TRERF1: variants seen among roughly 807,000 people sequenced by gnomAD.
TRERF1 encodes transcriptional regulating factor 1.
TRERF1 carries 27 observed loss-of-function variants against 122.9 expected under a neutral mutation model. The observed-to-expected ratio is 0.22, with a 90% CI of 0.16 to 0.30. TRERF1 has a LOEUF of 0.30. Ranked by LOEUF, TRERF1 falls within the 10% of genes least tolerant of loss-of-function variation. TRERF1 has a pLI of 1.00. For missense variants in TRERF1, 1,248 were observed against 1,560.3 expected (o/e 0.80, Z 3.37); for synonymous variants, 636 against 641.7 (o/e 0.99, Z 0.13).
At chr6:42,428,645 T>G (rs1313886747) in intron 2 of TRERF1, among the ~76,000 whole-genome samples, 1 of 152,208 alleles carries the variant, frequency 6.6e-6, no homozygotes, top group Non-Finnish European at 1.5e-5. Context: ...GCTCCCTTCC[T>G]TTGTTCATAT....
At chr6:42,441,231 A>C (rs1786455242) in intron 2 of TRERF1, among the ~76,000 whole-genome samples, 1 of 152,184 alleles carries the variant, frequency 6.6e-6, no homozygotes, top group Non-Finnish European at 1.5e-5. Context: ...CATTTGCTAC[A>C]AGTCAAAGCC....
chr6:42,426,091 C>T (rs1268400650), intron 2 of TRERF1, among the ~76,000 whole-genome samples: 1 of 152,178 alleles, frequency 6.6e-6, no homozygotes, highest in Non-Finnish European at 1.5e-5. Context: ...GGACATCATC[C>T]AGGCCCATCT....
rs1350736358 is a variant in TRERF1, at chr6:42,393,573, C to T, written c.-453-30494G>A. The stretch of plus-strand genomic sequence containing the variant: ...CTGGCAAAACCTGAAACTAATGCAA[C>T]CATTTAGTTCAGTGTGCTTCACCAG... On this transcript the variant is annotated intron_variant, in intron 2 of 17. Coordinates refer to ENST00000372922, the Ensembl canonical transcript of TRERF1. The surrounding 1 kb of genome is among the most constrained non-coding windows in gnomAD (Gnocchi z 4.1). Among the ~76,000 whole-genome samples, 1 of 152,198 alleles carries T rather than the reference C, an allele frequency of 6.6e-6. No individual in the cohort carries two copies. Among genetic ancestry groups the T allele is most frequent in the African/African-American group, 2.4e-5 (1 of 41,432 alleles).
In TRERF1 at chr6:42,404,025, C is replaced by T. The variant is rs150260729; in HGVS notation, c.-453-40946G>A. Among the ~76,000 whole-genome samples, 1,053 of 152,200 alleles carry T rather than the reference C, an allele frequency of 6.9e-3. 6 individuals carry two copies. The highest frequency in any genetic ancestry group is 0.024 in the African/African-American group (979 of 41,498). Reference sequence around the variant, plus strand: ...ATGGGGCACTCCGTGGGTGCCTCTCCGGCCACTCACCACTCTGCCTGACCC... The same window carrying T: ...ATGGGGCACTCCGTGGGTGCCTCTCTGGCCACTCACCACTCTGCCTGACCC... On this transcript the variant is annotated intron_variant, in intron 2 of 17. Coordinates refer to ENST00000372922, the Ensembl canonical transcript of TRERF1.
chr6:42,262,832 G>GCCAGGGCTATTGC (rs1453926945), intron 8 of TRERF1, among the ~76,000 whole-genome samples: 4 of 152,178 alleles, frequency 2.6e-5, no homozygotes, highest in Non-Finnish European at 5.9e-5. Context: ...CAGAATGGAT[G>GCCAGGGCTATTGC]CCAGGGCTAT....
chr6:42,287,292 T>TAAA (rs1187993828), intron 4 of TRERF1, among the ~76,000 whole-genome samples: 1 of 124,442 alleles, frequency 8.0e-6, no homozygotes. Flanking sequence ...TAAAGTATAA[T>TAAA]AAAAAAAAAA....
chr6:42,444,911 G>A (rs947328487), intron 2 of TRERF1, among the ~76,000 whole-genome samples: 1 of 152,026 alleles, frequency 6.6e-6, no homozygotes, highest in Non-Finnish European at 1.5e-5. Context: ...CTCTCCAGTC[G>A]TGGTCCCAGC....
intron 15 of TRERF1, among the ~76,000 whole-genome samples, chr6:42,237,110 G>A (rs941717085): frequency 1.3e-5 from 2 of 152,210 alleles, no homozygotes; most frequent in Non-Finnish European, 2.9e-5. Flanking sequence ...TCCTACCAGA[G>A]GCATTTAATG....
At chr6:42,236,398 T>C (rs753060778) in exon 16 of TRERF1, 19 of 1,554,394 alleles carry the variant, frequency 1.2e-5, no homozygotes, top group Non-Finnish European at 8.7e-6. Context: ...TAACTCTTCT[T>C]CTTCTTCACT....
At chr6:42,265,867 C>T (rs896055839) in intron 5 of TRERF1, 70 bp from the exon 6 acceptor site, 35 of 1,523,040 alleles carry the variant, frequency 2.3e-5, no homozygotes, top group South Asian at 1.5e-4. Flanking sequence ...GAGAAGTCCT[C>T]GAGCAGTGGG....
Position 42,228,541 on chromosome 6 carries a change from G to T in TRERF1, c.3407C>A (p.Thr1136Lys). 6.2e-7 allele frequency: 1 copy of T among 1,614,164 alleles called. No individual in the cohort carries two copies. Residue 1136 changes from threonine (T) to lysine (K), a missense_variant, in exon 18 of 18, where the codon ACG becomes AAG. Thr to Lys is a moderately conservative substitution (Grantham distance 78, BLOSUM62 -1). Transcript: ENST00000372922. This position sits in a 1 kb window ranked among gnomAD's most constrained non-coding sequence, Gnocchi z 4.2. ...CAGCCCCGGCGCCCCCACGGGCCCC[G>T]TAGTCCTCTCAATCGTGGCTGCCAT...
At chr6:42,256,993 C>G (rs1402006884) in exon 11 of TRERF1, 1 of 1,614,220 alleles carries the variant, frequency 6.2e-7, no homozygotes, top group East Asian at 2.2e-5. Flanking sequence ...TTTTCTAGTT[C>G]TGGCCAGGGC....
chr6:42,344,078 C>T (rs1767812925), intron 3 of TRERF1, among the ~76,000 whole-genome samples: 1 of 152,222 alleles, frequency 6.6e-6, no homozygotes, highest in Non-Finnish European at 1.5e-5. Flanking sequence ...GGGCATCCCA[C>T]CTGAAGGAGA....
chr6:42,451,776 C>T (rs1304554317), intron 1 of TRERF1, among the ~76,000 whole-genome samples: 1 of 152,054 alleles, frequency 6.6e-6, no homozygotes, highest in Non-Finnish European at 1.5e-5. Flanking sequence ...TGCCCTCCGC[C>T]GCAAGCAACT....
intron 16 of TRERF1, among the ~76,000 whole-genome samples, chr6:42,233,435 G>A (rs368201674): frequency 1.4e-4 from 21 of 151,786 alleles, no homozygotes; most frequent in East Asian, 5.8e-4. Flanking sequence ...ACAGGCGCCC[G>A]CCACCACGCC....
intron 2 of TRERF1, among the ~76,000 whole-genome samples, chr6:42,432,130 G>A (rs1582197356): frequency 6.6e-6 from 1 of 152,292 alleles, no homozygotes; most frequent in East Asian, 1.9e-4. Flanking sequence ...AAGAGGACCA[G>A]TAATAATACC....
rs1311014834 is a variant in TRERF1 at position 42,275,259 on chromosome 6, T to C, written c.-258-5411A>G. On this transcript the variant is annotated intron_variant, in intron 4 of 17. Transcript: ENST00000372922. This position sits in a 1 kb window ranked among gnomAD's most constrained non-coding sequence, Gnocchi z 4.1. ...AGGTAACTGTTTTGCTCATTATGTG[T>C]AACAATTTCTACTGGGTAATTTGTA... is the stretch of plus-strand genomic sequence containing the variant. Among the ~76,000 whole-genome samples, 1 of 152,264 alleles carries C rather than the reference T, an allele frequency of 6.6e-6. No individual in the cohort carries two copies. Among genetic ancestry groups the C allele is most frequent in the African/African-American group, 2.4e-5 (1 of 41,472 alleles).
chr6:42,238,645 A>G (rs1012104409), intron 15 of TRERF1, among the ~76,000 whole-genome samples: 3 of 152,174 alleles, frequency 2.0e-5, no homozygotes, highest in Non-Finnish European at 2.9e-5. Flanking sequence ...AGTGTCCACA[A>G]TAAGAGTTTC....
chr6:42,427,244 G>A (rs1241517572), intron 2 of TRERF1, among the ~76,000 whole-genome samples: 2 of 152,066 alleles, frequency 1.3e-5, no homozygotes, highest in East Asian at 1.9e-4. Flanking sequence ...TGAGAAATAC[G>A]TTCTTTGGTT....
Sources: allele counts gnomAD v4.1 joint callset (sites outside exome capture counted in the v4.1 genomes callset), GRCh38; gene constraint gnomAD v4.1.1; non-coding constraint Gnocchi (gnomAD v3.1); transcripts MANE v1.5; gene names NCBI Gene and HGNC (gene_info 2026-07-23, HGNC 2026-07-21).